The following GPC5 variants were observed in gnomAD, a reference collection of about 807,000 sequenced individuals.
GPC5 encodes the protein glypican 5, also known as glypican-5.
A neutral mutation model predicts 53.9 loss-of-function variants in GPC5; 47 were observed. That is an observed-to-expected ratio of 0.87 (90% CI 0.69 to 1.11). The LOEUF is 1.11. Among genes scored for constraint, GPC5 ranks in the 50% most tolerant of loss-of-function variants. The pLI is 0.00. For missense variants in GPC5, 748 were observed against 713.1 expected (o/e 1.05, Z -0.56); for synonymous variants, 286 against 263.3 (o/e 1.09, Z -0.84).
At chr13:92,166,946 TCTCTCTCTCTCACA>T (rs1448326671) in intron 7 of GPC5, among the ~76,000 whole-genome samples, 233 of 69,124 alleles carry the variant, frequency 3.4e-3, no homozygotes, top group African/African-American at 7.8e-3. Flanking sequence ...TCTCTCTCTC[TCTCTCTCTCTCACA>T]CACACACACA....
intron 7 of GPC5, among the ~76,000 whole-genome samples, chr13:92,557,528 T>C (rs1318688143): frequency 2.0e-5 from 3 of 152,048 alleles, no homozygotes; most frequent in Non-Finnish European, 4.4e-5. Flanking sequence ...TGGCATATTT[T>C]CAAACACATT....
At chr13:91,938,328 ACT>A (rs2039890363) in intron 6 of GPC5, among the ~76,000 whole-genome samples, 1 of 151,958 alleles carries the variant, frequency 6.6e-6, no homozygotes. Flanking sequence ...GAAGTGCAAC[ACT>A]CTTTTAAACA....
chr13:92,206,529 A>G (rs1044032673), intron 7 of GPC5, among the ~76,000 whole-genome samples: 4 of 151,942 alleles, frequency 2.6e-5, no homozygotes, highest in Non-Finnish European at 5.9e-5. Flanking sequence ...GTTTACCATT[A>G]TTTGTACCTT....
At chr13:91,484,699 G>A (rs1333878240) in intron 2 of GPC5, among the ~76,000 whole-genome samples, 2 of 152,048 alleles carry the variant, frequency 1.3e-5, no homozygotes, top group African/African-American at 4.8e-5. Context: ...ATATTTTGTT[G>A]GAAAGTTTAT....
At chr13:92,160,015 G>A (rs537953015) in intron 7 of GPC5, among the ~76,000 whole-genome samples, 3 of 152,156 alleles carry the variant, frequency 2.0e-5, no homozygotes, top group East Asian at 3.9e-4. Flanking sequence ...CAATTCTCCT[G>A]CTTCAGCCTC....
chr13:92,652,533 T>C (rs1469361604), intron 7 of GPC5, among the ~76,000 whole-genome samples: 1 of 152,030 alleles, frequency 6.6e-6, no homozygotes. Context: ...CAGTCTAGAG[T>C]GTGGCAACCT....
chr13:92,425,987 C>T (rs886340342), intron 7 of GPC5, among the ~76,000 whole-genome samples: 2 of 152,034 alleles, frequency 1.3e-5, no homozygotes, highest in African/African-American at 4.8e-5. Context: ...GATCAACATA[C>T]ATTTAATCAT....
rs533491538 is a variant in GPC5, at chr13:92,046,834, T to C, written c.1402-97996T>C. Among the ~76,000 whole-genome samples the C allele has an allele frequency of 8.7e-4, 132 of 152,330 alleles. 1 individual carries two copies. In the Middle Eastern group the frequency reaches 0.034, roughly 39 times the overall value. On this transcript the variant is annotated intron_variant, in intron 6 of 7. Transcript: ENST00000377067. ...GAGCAGCAAATGACAGCATGCAGAC[T>C]TCTGTCTTTATAATGCATTCGTGTA...
rs555051642 is a variant in GPC5, at chr13:91,975,126, G to C, written c.1401+67069G>C. The stretch of plus-strand genomic sequence containing the variant: ...CCTTATACAAAAATTAATTCAAGAT[G>C]GATTAAAGACTTAAACGTTAGACCT... On this transcript the variant is annotated intron_variant, in intron 6 of 7. Coordinates refer to ENST00000377067, the MANE Select transcript of GPC5 (RefSeq NM_004466.6). Among the ~76,000 whole-genome samples the C allele has an allele frequency of 6.1e-3, 927 of 152,090 alleles. 9 individuals carry two copies. Among genetic ancestry groups the C allele is most frequent in the African/African-American group, 0.021 (878 of 41,482 alleles).
chr13:91,772,316 A>G (rs192629496), intron 5 of GPC5, among the ~76,000 whole-genome samples: 63 of 152,300 alleles, frequency 4.1e-4, no homozygotes, highest in Admixed American at 4.1e-3. Flanking sequence ...GAGTGGTACA[A>G]TAAAAAAAAT....
intron 4 of GPC5, among the ~76,000 whole-genome samples, chr13:91,743,393 T>C (rs1185650131): frequency 6.6e-6 from 1 of 152,182 alleles, no homozygotes; most frequent in East Asian, 1.9e-4. Context: ...GTTTGTCTCT[T>C]ACAAATTAAT....
At chr13:92,062,974 G>A (rs780899576) in intron 6 of GPC5, among the ~76,000 whole-genome samples, 8 of 151,836 alleles carry the variant, frequency 5.3e-5, no homozygotes, top group Non-Finnish European at 8.8e-5. Context: ...TTTCGTAAGG[G>A]CTTTTTAATA....
chr13:91,739,970 G>A (rs1200627757), intron 4 of GPC5, among the ~76,000 whole-genome samples: 1 of 151,290 alleles, frequency 6.6e-6, no homozygotes, highest in Non-Finnish European at 1.5e-5. Flanking sequence ...GACTGACACA[G>A]GGATAGAAGA....
chr13:92,098,111 G>A (rs1348010279), intron 6 of GPC5, among the ~76,000 whole-genome samples: 1 of 152,078 alleles, frequency 6.6e-6, no homozygotes, highest in African/African-American at 2.4e-5. Flanking sequence ...TGTCACCCTG[G>A]TACTAAGCCT....
At chr13:92,543,710 G>A (rs988010756) in intron 7 of GPC5, among the ~76,000 whole-genome samples, 4 of 152,214 alleles carry the variant, frequency 2.6e-5, no homozygotes, top group African/African-American at 9.6e-5. Flanking sequence ...AGCTATATTA[G>A]ATGAAGGTTT....
intron 6 of GPC5, among the ~76,000 whole-genome samples, chr13:91,926,383 C>A (rs898066936): frequency 1.9e-4 from 26 of 139,014 alleles, no homozygotes; most frequent in African/African-American, 6.7e-4. Flanking sequence ...AAAAAAAAAT[C>A]TATGCAAAGC....
intron 6 of GPC5, among the ~76,000 whole-genome samples, chr13:92,130,294 A>T (rs1345513219): frequency 6.6e-6 from 1 of 152,060 alleles, no homozygotes; most frequent in African/African-American, 2.4e-5. Flanking sequence ...AGAAAAAATT[A>T]TCCCAGCTAG....
chr13:91,994,559 A>G (rs1327474298), intron 6 of GPC5: 1 of 152,150 alleles, frequency 6.6e-6, no homozygotes, highest in Non-Finnish European at 1.5e-5. Context: ...ATATCAATTC[A>G]CCTAATGATC....
chr13:92,274,382 C>T (rs1288858591), intron 7 of GPC5, among the ~76,000 whole-genome samples: 1 of 152,100 alleles, frequency 6.6e-6, no homozygotes, highest in Non-Finnish European at 1.5e-5. Context: ...TTTGTTGTGT[C>T]CTTTTTCAGA....
Sources: gnomAD v4.1 joint callset for allele counts (sites outside exome capture counted in the v4.1 genomes callset) on GRCh38, gnomAD v4.1.1 for gene constraint, MANE v1.5 for transcripts, NCBI Gene and HGNC (gene_info 2026-07-23, HGNC 2026-07-21) for gene names.